FAM3A: variants seen among roughly 807,000 people sequenced by gnomAD.
The protein encoded by FAM3A is protein FAM3A.
A neutral mutation model predicts 18.1 loss-of-function variants in FAM3A; 5 were observed. The observed-to-expected ratio is 0.28, with a 90% confidence interval of 0.14 to 0.58. The LOEUF is 0.58. FAM3A is among the 20% of genes least tolerant of loss of function. FAM3A has a pLI of 0.91. For synonymous variants in FAM3A, 108 were observed against 90.2 expected (o/e 1.20, Z -1.12); for missense variants, 154 against 216.6 (o/e 0.71, Z 1.81).
In FAM3A at chrX:154,506,911, G is replaced by T; in HGVS notation, c.598-5C>A. 2 of 1,200,701 alleles carry T rather than the reference G, an allele frequency of 1.7e-6. No homozygotes were observed. The highest frequency in any genetic ancestry group is 2.3e-6 in the Non-Finnish European group (2 of 886,086). Reference sequence around the variant, plus strand: ...GTGCTTACTGTTCTTCACGTGCTGTGGGGAGGGGAGCAGAAAGTCATGACT... The same window carrying T: ...GTGCTTACTGTTCTTCACGTGCTGTTGGGAGGGGAGCAGAAAGTCATGACT... On this transcript the variant is annotated splice_region_variant and splice_polypyrimidine_tract_variant and intron_variant, in intron 8 of 8. Coordinates refer to ENST00000447601, the MANE Select transcript of FAM3A (RefSeq NM_021806.4).
At position 154,507,320 on chromosome X, in the gene FAM3A, T is replaced by C; in HGVS notation, c.480A>G (p.Glu160=). Residue 160 remains glutamate, a synonymous_variant, in exon 8 of 9, where the codon GAA becomes GAG. Transcript: ENST00000447601. ...GCTCACTGAAGAGCTTTCTGGTCTC[T>C]TCATTCATCCTGCAGCATGGGAGGA... ...SYDDPATKMN[E]ETRKLFSELG... 8.3e-7 allele frequency: 1 copy of C among 1,211,886 alleles called. No individual in the cohort carries two copies. Among genetic ancestry groups the C allele is most frequent in the Non-Finnish European group, 1.1e-6 (1 of 895,505 alleles).
Position 154,506,438 on chromosome X carries a change from GC to G in FAM3A, c.*372del, listed in dbSNP as rs2069523690. On this transcript the variant is annotated 3_prime_UTR_variant, in exon 9 of 9. Coordinates refer to ENST00000447601, the MANE Select transcript of FAM3A (RefSeq NM_021806.4). ...GAGGTTCTGGAAGACGCCCCAACCT[GC>G]CGGGCTGCTCCCAGAGATGCACAGT... 1 of 208,761 alleles carries G rather than the reference GC, an allele frequency of 4.8e-6. No individual in the cohort carries two copies. The highest frequency in any genetic ancestry group is 6.1e-5 in the Admixed American group (1 of 16,333). 17.2% of individuals were successfully genotyped at this position (208,761 alleles called of 1,213,427 possible). A position where few individuals can be genotyped will look rare whatever the true frequency, so the allele number is the denominator to read the frequency against.
intron 3 of FAM3A, chrX:154,509,684 G>A (rs1217398547): frequency 9.0e-6 from 1 of 111,616 alleles, no homozygotes; most frequent in Non-Finnish European, 1.9e-5. Flanking sequence ...TGGCAGAAAG[G>A]TGGAAGGTGG....
At position 154,506,782 on chromosome X, in the gene FAM3A, C is replaced by T; in HGVS notation, c.*29G>A. 8.5e-7 allele frequency: 1 copy of T among 1,182,820 alleles called. No individual in the cohort carries two copies. Among genetic ancestry groups the T allele is most frequent in the Non-Finnish European group, 1.1e-6 (1 of 870,236 alleles). On this transcript the variant is annotated 3_prime_UTR_variant, in exon 9 of 9. Transcript: ENST00000447601. ...GCGCGTGCCTCCCTTGGTCTGGCCT[C>T]CCTCGGCCCGGTCCTGGCACTGGCC... is the stretch of plus-strand genomic sequence containing the variant.
intron 3 of FAM3A, chrX:154,510,198 C>G (rs1194788795): frequency 2.7e-5 from 3 of 111,367 alleles, no homozygotes; most frequent in Non-Finnish European, 5.7e-5. Flanking sequence ...GAGACCCCGT[C>G]TCTACAAAAA....
Position 154,506,917 on chromosome X carries a change from G to C in FAM3A, c.598-11C>G. On this transcript the variant is annotated splice_polypyrimidine_tract_variant and intron_variant, in intron 8 of 8. Coordinates refer to ENST00000447601, the MANE Select transcript of FAM3A (RefSeq NM_021806.4). ...ACTGTTCTTCACGTGCTGTGGGGAGGGGAGCAGAAAGTCATGACTTTGGCC... is the reference window on the plus strand; with the variant it reads ...ACTGTTCTTCACGTGCTGTGGGGAGCGGAGCAGAAAGTCATGACTTTGGCC... The C allele has an allele frequency of 8.4e-7, 1 of 1,196,865 alleles. No homozygotes were observed. The highest frequency in any genetic ancestry group is 1.1e-6 in the Non-Finnish European group (1 of 882,907).
Position 154,508,273 on chromosome X carries a change from C to T in FAM3A, c.334+16G>A. ...GGGAAGGAGGGCGGCAGGCCACGCTCAGCCAGGGGCCTCACCGTTCACCAG... is the reference window on the plus strand; with the variant it reads ...GGGAAGGAGGGCGGCAGGCCACGCTTAGCCAGGGGCCTCACCGTTCACCAG... On this transcript the variant is annotated intron_variant, in intron 5 of 8. Transcript: ENST00000447601. The T allele has an allele frequency of 1.8e-6, 2 of 1,082,466 alleles. No homozygotes were observed. The highest frequency in any genetic ancestry group is 2.4e-5 in the South Asian group (1 of 42,343). 89.2% of individuals were successfully genotyped at this position (1,082,466 alleles called of 1,213,427 possible). A position where few individuals can be genotyped will look rare whatever the true frequency, so the allele number is the denominator to read the frequency against.
intron 1 of FAM3A, among the ~76,000 whole-genome samples, chrX:154,515,068 C>A: frequency 9.0e-6 from 1 of 111,650 alleles, no homozygotes; most frequent in Non-Finnish European, 1.9e-5. Flanking sequence ...GATCCTCCCA[C>A]CTCGGCCTCC....
Position 154,511,833 on chromosome X carries a change from T to A in FAM3A, c.151+15A>T. 1 of 1,205,107 alleles carries A rather than the reference T, an allele frequency of 8.3e-7. No homozygotes were observed. Among genetic ancestry groups the A allele is most frequent in the Non-Finnish European group, 1.1e-6 (1 of 891,115 alleles). ...GTCACAAAGGGGAGGAGCAGGGAGGTGACAGGGGCCTTACCTGCAGTCACC... is the reference window on the plus strand; with the variant it reads ...GTCACAAAGGGGAGGAGCAGGGAGGAGACAGGGGCCTTACCTGCAGTCACC... On this transcript the variant is annotated intron_variant, in intron 3 of 8. Coordinates refer to ENST00000447601, the MANE Select transcript of FAM3A (RefSeq NM_021806.4).
chrX:154,514,598 G>A (rs1423203901), intron 1 of FAM3A, among the ~76,000 whole-genome samples: 1 of 110,384 alleles, frequency 9.1e-6, no homozygotes, highest in Non-Finnish European at 1.9e-5. Flanking sequence ...TAAAGACGGG[G>A]TTTCACCATG....
At chrX:154,512,718 G>A in intron 2 of FAM3A, 105 bp downstream of exon 2, 2 of 541,440 alleles carry the variant, frequency 3.7e-6, no homozygotes, top group South Asian at 2.8e-5. Context: ...TGCCAGGGAG[G>A]AGATAGAAAA....
At position 154,506,808 on chromosome X, in the gene FAM3A, G is replaced by A. The variant is rs782476974; in HGVS notation, c.*3C>T. On this transcript the variant is annotated 3_prime_UTR_variant, in exon 9 of 9. Coordinates refer to ENST00000447601, the MANE Select transcript of FAM3A (RefSeq NM_021806.4). Reference sequence around the variant, plus strand: ...CCTCGGCCCGGTCCTGGCACTGGCCGTGCTAGCTGGCCGTGCTTCTCCGCG... The same window carrying A: ...CCTCGGCCCGGTCCTGGCACTGGCCATGCTAGCTGGCCGTGCTTCTCCGCG... 2.7e-5 allele frequency: 33 copies of A among 1,206,286 alleles called. No homozygotes were observed. The highest frequency in any genetic ancestry group is 1.9e-4 in the South Asian group (11 of 56,793).
chrX:154,512,266 TAAG>T (rs1234590110), intron 2 of FAM3A: 168 of 162,080 alleles, frequency 1.0e-3, no homozygotes, highest in South Asian at 3.0e-3. Context: ...ATAATAATAA[TAAG>T]AAGAAGAAGA....
chrX:154,508,358 G>C lies in FAM3A; in HGVS notation c.276-11C>G. 4.5e-6 allele frequency: 2 copies of C among 447,049 alleles called. No individual in the cohort carries two copies. The highest frequency in any genetic ancestry group is 5.9e-5 in the South Asian group (2 of 33,906). 36.8% of individuals were successfully genotyped at this position (447,049 alleles called of 1,213,427 possible). A position where few individuals can be genotyped will look rare whatever the true frequency, so the allele number is the denominator to read the frequency against. On this transcript the variant is annotated splice_polypyrimidine_tract_variant and intron_variant, in intron 4 of 8. Coordinates refer to ENST00000447601, the MANE Select transcript of FAM3A (RefSeq NM_021806.4). Reference sequence around the variant, plus strand: ...ACGCTGCTCATCAGCCTAGTTGGGGGGGGGTGGGGGGGACGGGGAGATCCC... The same window carrying C: ...ACGCTGCTCATCAGCCTAGTTGGGGCGGGGTGGGGGGGACGGGGAGATCCC...
rs188864792 is a variant in FAM3A, at chrX:154,512,424, G to A, written c.127+399C>T. On this transcript the variant is annotated intron_variant, in intron 2 of 8. Coordinates refer to ENST00000447601, the MANE Select transcript of FAM3A (RefSeq NM_021806.4). ...ACTGCACTCCAGCCTGGGAGACAAA[G>A]TGAGACACTGTCTCAAACAAACAAA... is the stretch of plus-strand genomic sequence containing the variant. 1,096 of 218,003 alleles carry A rather than the reference G, an allele frequency of 5.0e-3. 15 individuals carry two copies. The highest frequency in any genetic ancestry group is 0.031 in the African/African-American group (1,019 of 32,363). 18.0% of individuals were successfully genotyped at this position (218,003 alleles called of 1,213,427 possible). A position where few individuals can be genotyped will look rare whatever the true frequency, so the allele number is the denominator to read the frequency against.
At chrX:154,508,798 A>AAATCCTTCTGTCTT in intron 3 of FAM3A, 1 of 531,828 alleles carries the variant, frequency 1.9e-6, no homozygotes, top group Non-Finnish European at 3.4e-6. Context: ...CCAAGACAGA[A>AAATCCTTCTGTCTT]GGATTTTCTG....
At position 154,508,586 on chromosome X, in the gene FAM3A, T is replaced by C. The variant is rs929283877; in HGVS notation, c.163A>G (p.Arg55Gly). Residue 55 changes from arginine to glycine, a missense_variant, in exon 4 of 9, where the codon AGG becomes GGG. This residue lies in a region of FAM3A where 112 missense variants were observed against 160.0 expected (regional missense o/e 0.70). Transcript: ENST00000447601. ...TGGGGCAGGCCACACTTGTACTTCC[T>C]GGCCCGTGGCGCTGGGCAGGGATAG... Reference protein sequence around the residue: ...ESSVTAAPRARKYKCGLPQPC... With the variant: ...ESSVTAAPRAGKYKCGLPQPC... The C allele has an allele frequency of 8.4e-6, 10 of 1,190,231 alleles. No individual in the cohort carries two copies. In the Admixed American group the frequency reaches 1.2e-4, roughly 14 times the overall value.
intron 3 of FAM3A, 147 bp downstream of exon 3, chrX:154,511,701 G>T (rs1192213454): frequency 9.2e-6 from 5 of 544,531 alleles, no homozygotes; most frequent in Non-Finnish European, 1.6e-5. Flanking sequence ...GAAGTAACTT[G>T]TTTTGTAGGT....
chrX:154,508,238 G>C (rs1557220290), intron 5 of FAM3A, 51 bp downstream of exon 5: 2 of 980,430 alleles, frequency 2.0e-6, no homozygotes, highest in Non-Finnish European at 2.7e-6. Flanking sequence ...GGCCTCCTGG[G>C]GAGGGAGCAG....
Sources: gnomAD v4.1 joint callset for allele counts (sites outside exome capture counted in the v4.1 genomes callset) on GRCh38, gnomAD v4.1.1 for gene constraint, gnomAD v4.1.1 regional missense constraint, MANE v1.5 for transcripts, NCBI Gene and HGNC (gene_info 2026-07-23, HGNC 2026-07-21) for gene names.